Variants in PLD5 observed in about 807,000 individuals in gnomAD.
PLD5 encodes the protein inactive phospholipase D5.
In PLD5, 36 loss-of-function variants were observed where a neutral mutation model predicts 61.1. The ratio of observed to expected loss-of-function variants is 0.59; its 90% CI spans 0.45 to 0.78. PLD5 has a LOEUF of 0.78. Among genes scored for constraint, PLD5 ranks in the 30% least tolerant of loss-of-function variants. The probability of loss-of-function intolerance (pLI) is 0.00; values close to 1 mark genes in which losing one functional copy is unlikely to be tolerated. For synonymous variants in PLD5, 243 were observed against 242.8 expected (o/e 1.00, Z -0.01); for missense variants, 515 against 644.4 (o/e 0.80, Z 2.17).
At chr1:242,437,386 A>G (rs189912180) in intron 1 of PLD5, among the ~76,000 whole-genome samples, 2 of 152,202 alleles carry the variant, frequency 1.3e-5, no homozygotes, top group East Asian at 3.9e-4. Flanking sequence ...TTACCCTCCT[A>G]GCTCTGGTCT....
At chr1:242,136,651 T>G (rs1046018903) in intron 5 of PLD5, among the ~76,000 whole-genome samples, 6 of 152,220 alleles carry the variant, frequency 3.9e-5, no homozygotes, top group Non-Finnish European at 8.8e-5. Context: ...GGTGTGTGTT[T>G]CTGTAGTGCA....
At position 242,337,979 on chromosome 1, in the gene PLD5, T is replaced by C. The variant is rs576300556; in HGVS notation, c.326+10127A>G. Among the ~76,000 whole-genome samples, 141 of 152,276 alleles carry C rather than the reference T, an allele frequency of 9.3e-4. 1 individual carries two copies. The highest frequency in any genetic ancestry group is 3.3e-3 in the African/African-American group (136 of 41,578). ...TGGCTTTTAGACTCACAGTTCAAAG[T>C]TTCCCCTCTGAAGCATAAACCCATT... is the stretch of plus-strand genomic sequence containing the variant. On this transcript the variant is annotated intron_variant, in intron 2 of 9. Coordinates refer to ENST00000536534, the MANE Select transcript of PLD5 (RefSeq NM_001372062.1).
At chr1:242,166,753 TA>T (rs1478383227) in intron 5 of PLD5, among the ~76,000 whole-genome samples, 2 of 152,226 alleles carry the variant, frequency 1.3e-5, no homozygotes, top group African/African-American at 2.4e-5. Context: ...TCCTACATTT[TA>T]CTTGAAGTTA....
intron 1 of PLD5, among the ~76,000 whole-genome samples, chr1:242,504,057 GT>G (rs1161490952): frequency 6.6e-6 from 1 of 151,950 alleles, no homozygotes; most frequent in East Asian, 1.9e-4. Flanking sequence ...TTTGTATTTT[GT>G]TTTGTTGTTA....
intron 9 of PLD5, among the ~76,000 whole-genome samples, chr1:242,094,284 A>T (rs1350359172): frequency 6.6e-6 from 1 of 152,096 alleles, no homozygotes. Flanking sequence ...AGTGCCTTCC[A>T]TCCACCCGCT....
At chr1:242,438,537 T>A (rs1309875733) in intron 1 of PLD5, among the ~76,000 whole-genome samples, 1 of 149,812 alleles carries the variant, frequency 6.7e-6, no homozygotes, top group African/African-American at 2.4e-5. Flanking sequence ...CTCTGCCTCC[T>A]GGGTTCAAGC....
upstream of PLD5, among the ~76,000 whole-genome samples, chr1:242,527,485 T>C (rs902177697): frequency 3.9e-5 from 6 of 152,152 alleles, no homozygotes; most frequent in African/African-American, 1.4e-4. Flanking sequence ...TATGACAGCA[T>C]ACTACTGAAT....
intron 1 of PLD5, among the ~76,000 whole-genome samples, chr1:242,423,727 T>C (rs1182297318): frequency 6.6e-6 from 1 of 152,136 alleles, no homozygotes; most frequent in Non-Finnish European, 1.5e-5. Flanking sequence ...CTTATCAGAA[T>C]TGACATTCCC....
intron 1 of PLD5, among the ~76,000 whole-genome samples, chr1:242,486,527 G>A (rs187812723): frequency 1.8e-3 from 267 of 152,338 alleles, no homozygotes; most frequent in Admixed American, 4.3e-3. Context: ...TCTCACACCA[G>A]TTAGAATGGT....
chr1:242,270,729 G>C (rs1674012391), intron 3 of PLD5, among the ~76,000 whole-genome samples: 1 of 152,132 alleles, frequency 6.6e-6, no homozygotes, highest in African/African-American at 2.4e-5. Context: ...TTCTTCAAAA[G>C]GTGGTGCAGG....
chr1:242,185,504 T>C (rs1667816113), intron 5 of PLD5, among the ~76,000 whole-genome samples: 1 of 152,202 alleles, frequency 6.6e-6, no homozygotes, highest in African/African-American at 2.4e-5. Context: ...TGTAGCTAGT[T>C]TTAGACATCC....
intron 4 of PLD5, among the ~76,000 whole-genome samples, chr1:242,239,954 C>T (rs1354005359): frequency 6.6e-6 from 1 of 151,560 alleles, no homozygotes; most frequent in African/African-American, 2.4e-5. Context: ...CTGCATGCAG[C>T]TTCTCCTGGT....
At chr1:242,260,420 G>A (rs565413867) in intron 4 of PLD5, among the ~76,000 whole-genome samples, 1 of 151,958 alleles carries the variant, frequency 6.6e-6, no homozygotes, top group East Asian at 1.9e-4. Context: ...ACATCCCTCA[G>A]GAATACGGAT....
At chr1:242,302,546 G>C (rs1489310148) in intron 2 of PLD5, among the ~76,000 whole-genome samples, 1 of 142,730 alleles carries the variant, frequency 7.0e-6, no homozygotes, top group Non-Finnish European at 1.5e-5. Flanking sequence ...AGCAAGACCT[G>C]TCTCTACCAA....
At chr1:242,096,339 T>C (rs1028302453) in intron 9 of PLD5, among the ~76,000 whole-genome samples, 1 of 151,216 alleles carries the variant, frequency 6.6e-6, no homozygotes, top group Non-Finnish European at 1.5e-5. Flanking sequence ...CTCTTTCCCT[T>C]TCTCTTTTTC....
intron 1 of PLD5, among the ~76,000 whole-genome samples, chr1:242,390,271 G>C (rs1662852769): frequency 1.3e-5 from 2 of 152,090 alleles, no homozygotes; most frequent in Non-Finnish European, 2.9e-5. Context: ...TGTTGGCCAG[G>C]TTGGTCTCGA....
intron 1 of PLD5, among the ~76,000 whole-genome samples, chr1:242,348,698 A>C (rs963877385): frequency 6.6e-6 from 1 of 152,232 alleles, no homozygotes; most frequent in Non-Finnish European, 1.5e-5. Context: ...GGAGATCCTG[A>C]GACCATGTGC....
Position 242,256,766 on chromosome 1 carries a change from C to A in PLD5, c.607+8571G>T, listed in dbSNP as rs1326179093. 6.6e-6 allele frequency among the ~76,000 whole-genome samples: 1 copy of A among 151,292 alleles called. No individual in the cohort carries two copies. The highest frequency in any genetic ancestry group is 1.5e-5 in the Non-Finnish European group (1 of 67,926). ...GACTATCATCTATCTATCTATCTAT[C>A]TATCTATCTATCTATCTATCTATCT... On this transcript the variant is annotated intron_variant, in intron 4 of 9. Coordinates refer to ENST00000536534, the MANE Select transcript of PLD5 (RefSeq NM_001372062.1). The surrounding 1 kb of genome is among the most constrained non-coding windows in gnomAD (Gnocchi z 5.7).
chr1:242,105,178 C>T lies in PLD5; in HGVS notation c.1239+2493G>A, dbSNP rs57626857. ...ACTGAACCTTTGGCTTATAGGGCTTCGGCTATAGGGACTGGGGAAATGAAT... is the reference window on the plus strand; with the variant it reads ...ACTGAACCTTTGGCTTATAGGGCTTTGGCTATAGGGACTGGGGAAATGAAT... On this transcript the variant is annotated intron_variant, in intron 8 of 9. Transcript: ENST00000536534. Among the ~76,000 whole-genome samples, 1,335 of 150,712 alleles carry T rather than the reference C, an allele frequency of 8.9e-3. 25 individuals carry two copies. The highest frequency in any genetic ancestry group is 0.029 in the African/African-American group (1,177 of 41,122).
Sources: allele counts gnomAD v4.1 joint callset (sites outside exome capture counted in the v4.1 genomes callset), GRCh38; gene constraint gnomAD v4.1.1; non-coding constraint Gnocchi (gnomAD v3.1); transcripts MANE v1.5; gene names NCBI Gene and HGNC (gene_info 2026-07-23, HGNC 2026-07-21).